ARHGAP20: variants seen among roughly 807,000 people sequenced by gnomAD.
The protein encoded by ARHGAP20 is Rho GTPase activating protein 20.
In ARHGAP20, 34 loss-of-function variants were observed where a neutral mutation model predicts 73.7. That is an observed-to-expected ratio of 0.46 (90% confidence interval 0.35 to 0.61). The LOEUF (loss-of-function observed/expected upper bound fraction) is 0.61. Among genes scored for constraint, ARHGAP20 ranks in the 20% least tolerant of loss-of-function variants. The pLI, the probability that ARHGAP20 is intolerant of heterozygous loss-of-function variation, is 0.00. For synonymous variants in ARHGAP20, 523 were observed against 518.2 expected (o/e 1.01, Z -0.13); for missense variants, 1,314 against 1,420.9 (o/e 0.92, Z 1.21).
intron 1 of ARHGAP20, chr11:110,711,647 C>A: frequency 3.4e-6 from 5 of 1,476,370 alleles, no homozygotes; most frequent in Non-Finnish European, 4.5e-6. Flanking sequence ...CGCCGCAGCC[C>A]CGCTGCCTAC....
rs1393326378 is a variant in ARHGAP20, at chr11:110,690,917, A to G, written c.106-288T>C. Reference sequence around the variant, plus strand: ...ATTTGGGAGAAACACCATCATAACCATTATTACTGGTTATCATGTGTCTGG... The same window carrying G: ...ATTTGGGAGAAACACCATCATAACCGTTATTACTGGTTATCATGTGTCTGG... On this transcript the variant is annotated intron_variant, in intron 1 of 14. Coordinates refer to ENST00000683387, the MANE Select transcript of ARHGAP20 (RefSeq NM_001384657.1). The G allele has an allele frequency of 3.1e-6, 4 of 1,299,108 alleles. No individual in the cohort carries two copies. The African/African-American group carries it at 6.0e-5, about 19-fold the overall frequency. 80.5% of individuals were successfully genotyped at this position (1,299,108 alleles called of 1,614,324 possible).
At chr11:110,692,325 A>C (rs1950258614) in intron 1 of ARHGAP20, among the ~76,000 whole-genome samples, 1 of 152,162 alleles carries the variant, frequency 6.6e-6, no homozygotes, top group Non-Finnish European at 1.5e-5. Flanking sequence ...CAGTTTGTTC[A>C]TATCCATCAA....
In ARHGAP20 at chr11:110,580,060, T is replaced by A; in HGVS notation, c.2886A>T (p.Glu962Asp). 6.2e-7 allele frequency: 1 copy of A among 1,614,164 alleles called. No homozygotes were observed. ...SQDSAFSQISEHSVFTPTETS... is the reference protein window; with the variant it reads ...SQDSAFSQISDHSVFTPTETS... ...TCTCAGTGGGTGTAAACACAGAGTG[T>A]TCAGAAATCTGAGAAAAAGCACTGT... is the stretch of plus-strand genomic sequence containing the variant. Residue 962 changes from glutamate to aspartate, a missense_variant, in exon 15 of 15, where the codon GAA becomes GAT. Glu to Asp is a conservative substitution (Grantham distance 45). Coordinates refer to ENST00000683387, the MANE Select transcript of ARHGAP20 (RefSeq NM_001384657.1).
chr11:110,706,984 C>T (rs1401733002), intron 1 of ARHGAP20, among the ~76,000 whole-genome samples: 1 of 152,052 alleles, frequency 6.6e-6, no homozygotes, highest in Non-Finnish European at 1.5e-5. Flanking sequence ...TTAATTCAAG[C>T]CCCAGTATAA....
chr11:110,580,383 G>C lies in ARHGAP20; in HGVS notation c.2563C>G (p.Arg855Gly), dbSNP rs371479584. ...CSEPNIEDQN[R>G]KLTYLRGIYS... Reference sequence around the variant, plus strand: ...ATTCCCCTGAGATAGGTCAGCTTGCGGTTCTGGTCTTCTATGTTGGGCTCT... The same window carrying C: ...ATTCCCCTGAGATAGGTCAGCTTGCCGTTCTGGTCTTCTATGTTGGGCTCT... Residue 855 changes from arginine to glycine, a missense_variant, in exon 15 of 15, where the codon CGC becomes GGC. By Grantham distance (125) the Arg-to-Gly change is moderately radical. Transcript: ENST00000683387. 1 of 1,614,200 alleles carries C rather than the reference G, an allele frequency of 6.2e-7. No individual in the cohort carries two copies. Among genetic ancestry groups the C allele is most frequent in the Non-Finnish European group, 8.5e-7 (1 of 1,180,046 alleles).
At chr11:110,640,269 G>A (rs184220310) in intron 2 of ARHGAP20, among the ~76,000 whole-genome samples, 18 of 151,570 alleles carry the variant, frequency 1.2e-4, no homozygotes, top group Admixed American at 2.6e-4. Context: ...TTAATCTTCC[G>A]GATGCATAGT....
At position 110,580,559 on chromosome 11, in the gene ARHGAP20, G is replaced by C. The variant is rs202088486; in HGVS notation, c.2387C>G (p.Ser796Cys). ...EGNHVKLFPK[S>C]KPVAISVASY... is the part of the protein sequence containing the mutation. ...TGCCACAGAAATGGCCACTGGCTTA[G>C]ACTTAGGGAAAAGTTTCACGTGATT... The change falls in exon 15 of 15, where the codon TCT becomes TGT. Residue 796 changes from serine (S) to cysteine (C), a missense_variant. Coordinates refer to ENST00000683387, the MANE Select transcript of ARHGAP20 (RefSeq NM_001384657.1). 29 of 1,614,110 alleles carry C rather than the reference G, an allele frequency of 1.8e-5. No individual in the cohort carries two copies. The highest frequency in any genetic ancestry group is 2.5e-6 in the Non-Finnish European group (3 of 1,180,058).
chr11:110,588,708 G>A (rs1011978434), intron 11 of ARHGAP20, among the ~76,000 whole-genome samples: 1 of 152,152 alleles, frequency 6.6e-6, no homozygotes, highest in Non-Finnish European at 1.5e-5. Context: ...CTTTGCAATA[G>A]CATCAATAGT....
At chr11:110,614,309 C>T (rs1255549188) in intron 6 of ARHGAP20, among the ~76,000 whole-genome samples, 1 of 152,214 alleles carries the variant, frequency 6.6e-6, no homozygotes, top group Non-Finnish European at 1.5e-5. Context: ...TCTTTCCAAG[C>T]GTAAAAGTTT....
intron 1 of ARHGAP20, among the ~76,000 whole-genome samples, chr11:110,711,257 C>T (rs1950647407): frequency 6.6e-6 from 1 of 152,146 alleles, no homozygotes; most frequent in African/African-American, 2.4e-5. Flanking sequence ...TTGTCACCTG[C>T]ATCCCTCTCC....
chr11:110,593,739 T>C lies in ARHGAP20; in HGVS notation c.965-1584A>G, dbSNP rs61902291. ...TAGTGGGAGCCCTAAATACTATGTATAAATTCTGCCCACATCTCTGGCTAA... is the reference window on the plus strand; with the variant it reads ...TAGTGGGAGCCCTAAATACTATGTACAAATTCTGCCCACATCTCTGGCTAA... On this transcript the variant is annotated intron_variant, in intron 9 of 14. Coordinates refer to ENST00000683387, the MANE Select transcript of ARHGAP20 (RefSeq NM_001384657.1). Among the ~76,000 whole-genome samples the C allele has an allele frequency of 2.5e-3, 375 of 152,336 alleles. 1 individual carries two copies. The highest frequency in any genetic ancestry group is 4.4e-3 in the Non-Finnish European group (297 of 68,024).
intron 9 of ARHGAP20, among the ~76,000 whole-genome samples, chr11:110,602,030 T>G (rs1202873268): frequency 6.6e-6 from 1 of 151,808 alleles, no homozygotes; most frequent in Non-Finnish European, 1.5e-5. Context: ...TACTGGAACA[T>G]GACCATACTC....
chr11:110,688,792 G>T (rs115275983), intron 2 of ARHGAP20, among the ~76,000 whole-genome samples: 1,526 of 152,146 alleles, frequency 0.01, 22 homozygotes, highest in African/African-American at 0.033. Context: ...ATTTTGATTA[G>T]GCATCTATTA....
intron 11 of ARHGAP20, among the ~76,000 whole-genome samples, chr11:110,587,893 C>A (rs7938777): frequency 0.022 from 3,419 of 152,194 alleles, 113 homozygotes; most frequent in African/African-American, 0.073. Context: ...AAAGTTACCT[C>A]TTTTTGGGTA....
intron 2 of ARHGAP20, among the ~76,000 whole-genome samples, chr11:110,664,727 C>CAAAAAAAAA (rs34643863): frequency 2.3e-5 from 2 of 88,334 alleles, no homozygotes; most frequent in African/African-American, 3.8e-5. Context: ...GACTCCGTCT[C>CAAAAAAAAA]AAAAAAAAAA....
At chr11:110,692,169 AT>A (rs1487934039) in intron 1 of ARHGAP20, among the ~76,000 whole-genome samples, 1 of 152,098 alleles carries the variant, frequency 6.6e-6, no homozygotes, top group Non-Finnish European at 1.5e-5. Flanking sequence ...CAGGAATCTA[AT>A]ATCCTTAGGC....
rs1950451279 is a variant in ARHGAP20 at position 110,701,485 on chromosome 11, C to T, written c.105+10642G>A. Among the ~76,000 whole-genome samples, 9 of 151,356 alleles carry T rather than the reference C, an allele frequency of 5.9e-5. No individual in the cohort carries two copies. The South Asian group carries it at 1.9e-3, about 32-fold the overall frequency. Reference sequence around the variant, plus strand: ...TCATTGTAGATTCTGGATATTAGCCCTTTGTCAGATGAGTAGGTTGCGAAA... The same window carrying T: ...TCATTGTAGATTCTGGATATTAGCCTTTTGTCAGATGAGTAGGTTGCGAAA... On this transcript the variant is annotated intron_variant, in intron 1 of 14. Coordinates refer to ENST00000683387, the MANE Select transcript of ARHGAP20 (RefSeq NM_001384657.1).
At chr11:110,705,567 A>G (rs1241793416) in intron 1 of ARHGAP20, among the ~76,000 whole-genome samples, 1 of 152,206 alleles carries the variant, frequency 6.6e-6, no homozygotes, top group Non-Finnish European at 1.5e-5. Flanking sequence ...TTTATTTTAT[A>G]AAACTATAAT....
In ARHGAP20 at chr11:110,579,155, A is replaced by G; in HGVS notation, c.*215T>C. ...AGGACCAATCCCAACCTTTAATAAGAAAAAGCCTCCCAAACACTTAGGTGA... is the reference window on the plus strand; with the variant it reads ...AGGACCAATCCCAACCTTTAATAAGGAAAAGCCTCCCAAACACTTAGGTGA... On this transcript the variant is annotated 3_prime_UTR_variant, in exon 15 of 15. Transcript: ENST00000683387. 8.2e-7 allele frequency: 1 copy of G among 1,224,424 alleles called. No individual in the cohort carries two copies. The highest frequency in any genetic ancestry group is 1.0e-6 in the Non-Finnish European group (1 of 976,364). 75.8% of individuals were successfully genotyped at this position (1,224,424 alleles called of 1,614,324 possible). A position where few individuals can be genotyped will look rare whatever the true frequency, so the allele number is the denominator to read the frequency against.
Sources: gnomAD v4.1 joint callset for allele counts (sites outside exome capture counted in the v4.1 genomes callset) on GRCh38, gnomAD v4.1.1 for gene constraint, MANE v1.5 for transcripts, NCBI Gene and HGNC (gene_info 2026-07-23, HGNC 2026-07-21) for gene names.